Variants in SEL1L2 observed in about 807,000 individuals in gnomAD.
The protein encoded by SEL1L2 is SEL1L2 adaptor subunit of SYVN1 ubiquitin ligase.
A neutral mutation model predicts 98.8 loss-of-function variants in SEL1L2; 89 were observed. That is an observed-to-expected ratio of 0.90 (90% confidence interval 0.76 to 1.07). SEL1L2 has a LOEUF of 1.07. SEL1L2 is among the 50% of genes least tolerant of loss of function. SEL1L2 has a pLI of 0.00. For synonymous variants in SEL1L2, 262 were observed against 278.5 expected (o/e 0.94, Z 0.59); for missense variants, 788 against 812.0 (o/e 0.97, Z 0.36).
intron 17 of SEL1L2, among the ~76,000 whole-genome samples, chr20:13,861,855 C>G (rs1396176017): frequency 6.6e-6 from 1 of 152,130 alleles, no homozygotes; most frequent in Admixed American, 6.5e-5. Context: ...TGACTCTTCC[C>G]GTGGCTGGCT....
intron 2 of SEL1L2, among the ~76,000 whole-genome samples, chr20:13,950,577 A>G (rs1157657939): frequency 6.6e-6 from 1 of 152,186 alleles, no homozygotes; most frequent in East Asian, 1.9e-4. Context: ...TGGATACCTG[A>G]AATTTTCATC....
At chr20:13,946,416 TA>T (rs1243400928) in intron 2 of SEL1L2, among the ~76,000 whole-genome samples, 3 of 152,278 alleles carry the variant, frequency 2.0e-5, no homozygotes, top group Non-Finnish European at 4.4e-5. Context: ...AAAGTACTTA[TA>T]AAGAAACTTA....
chr20:13,906,781 C>T (rs781709554), intron 5 of SEL1L2, among the ~76,000 whole-genome samples: 11 of 152,120 alleles, frequency 7.2e-5, no homozygotes, highest in Non-Finnish European at 8.8e-5. Flanking sequence ...CAGGTTCCCG[C>T]CATTCTCCTG....
At chr20:13,933,549 T>C (rs912337785) in intron 2 of SEL1L2, among the ~76,000 whole-genome samples, 1 of 152,192 alleles carries the variant, frequency 6.6e-6, no homozygotes, top group Non-Finnish European at 1.5e-5. Context: ...CTGGCTTCTT[T>C]CACTTAGATT....
intron 1 of SEL1L2, among the ~76,000 whole-genome samples, chr20:13,981,874 C>T (rs943468391): frequency 6.6e-6 from 1 of 152,212 alleles, no homozygotes; most frequent in East Asian, 1.9e-4. Flanking sequence ...TAGAAATTCT[C>T]AATTCCATAG....
At chr20:13,987,685 G>GGTGTGATGTGA (rs1280686435) in intron 1 of SEL1L2, among the ~76,000 whole-genome samples, 2 of 151,972 alleles carry the variant, frequency 1.3e-5, no homozygotes, top group African/African-American at 4.8e-5. Flanking sequence ...CATCCTAGTG[G>GGTGTGATGTGA]GTGTGATGTG....
chr20:13,904,532 TAAAC>T (rs918859802), intron 5 of SEL1L2, among the ~76,000 whole-genome samples: 16 of 151,930 alleles, frequency 1.1e-4, no homozygotes, highest in African/African-American at 3.9e-4. Context: ...CATCTCAAAA[TAAAC>T]AAACAAATAA....
In SEL1L2 at chr20:13,990,457, C is replaced by G. The variant is rs367845206; in HGVS notation, c.58+20G>C. The stretch of plus-strand genomic sequence containing the variant: ...AGAGAAGAGACCCTCATAGAGAACT[C>G]TAAGGACAAAAAAACTTACTTTTAA... On this transcript the variant is annotated intron_variant, in intron 1 of 19. Coordinates refer to ENST00000284951, the MANE Select transcript of SEL1L2 (RefSeq NM_025229.2). 148 of 1,568,576 alleles carry G rather than the reference C, an allele frequency of 9.4e-5. No homozygotes were observed. In the Middle Eastern group the frequency reaches 3.8e-3, roughly 41 times the overall value.
At chr20:13,867,667 TGTTGAGAGGGTCAAATGA>T (rs995722607) in intron 14 of SEL1L2, among the ~76,000 whole-genome samples, 3 of 151,506 alleles carry the variant, frequency 2.0e-5, no homozygotes, top group African/African-American at 4.9e-5. Flanking sequence ...ACCCGGTAGA[TGTTGAGAGGGTCAAATGA>T]GTTGAGAGGG....
intron 4 of SEL1L2, among the ~76,000 whole-genome samples, chr20:13,916,546 C>T (rs889137171): frequency 2.0e-5 from 3 of 152,184 alleles, no homozygotes; most frequent in African/African-American, 7.2e-5. Context: ...TGGCTCATGC[C>T]TGTAATCCCA....
rs572347170 is a variant in SEL1L2 at position 13,856,453 on chromosome 20, A to C, written c.1818+2809T>G. On this transcript the variant is annotated intron_variant, in intron 18 of 19. Transcript: ENST00000284951. ...CCCTCTGAGAAACAGTTTCATAACA[A>C]CTTGTGTGTGAATGCTTGTGTTTCT... is the stretch of plus-strand genomic sequence containing the variant. Among the ~76,000 whole-genome samples, 5 of 152,186 alleles carry C rather than the reference A, an allele frequency of 3.3e-5. No homozygotes were observed. In the East Asian group the frequency reaches 9.7e-4, roughly 29 times the overall value.
At chr20:13,946,595 G>A (rs1008868809) in intron 2 of SEL1L2, among the ~76,000 whole-genome samples, 3 of 152,246 alleles carry the variant, frequency 2.0e-5, no homozygotes, top group Admixed American at 6.5e-5. Flanking sequence ...GTGCTCCGCA[G>A]AGCCAGTGGA....
chr20:13,876,406 C>CTTTTTTTTT (rs11087067), intron 11 of SEL1L2, among the ~76,000 whole-genome samples: 1 of 101,930 alleles, frequency 9.8e-6, no homozygotes, highest in African/African-American at 3.5e-5. Context: ...CTCTCTCTCT[C>CTTTTTTTTT]TTTTTTTTTT....
chr20:13,896,048 G>A (rs1696238395), intron 5 of SEL1L2, among the ~76,000 whole-genome samples: 1 of 152,160 alleles, frequency 6.6e-6, no homozygotes, highest in African/African-American at 2.4e-5. Context: ...GGTGGCAGGT[G>A]CCTGTAATTC....
intron 1 of SEL1L2, among the ~76,000 whole-genome samples, chr20:13,985,493 A>T (rs2052117718): frequency 6.6e-6 from 1 of 151,778 alleles, no homozygotes; most frequent in African/African-American, 2.4e-5. Context: ...ATTAGAATTG[A>T]CCTCTCCCTC....
chr20:13,930,613 A>G (rs2049102115), intron 3 of SEL1L2, among the ~76,000 whole-genome samples: 2 of 152,246 alleles, frequency 1.3e-5, no homozygotes, highest in Admixed American at 1.3e-4. Context: ...TCAAATGGGC[A>G]GTGAACCAGT....
intron 5 of SEL1L2, among the ~76,000 whole-genome samples, chr20:13,896,647 A>C (rs1220858532): frequency 6.6e-6 from 1 of 152,140 alleles, no homozygotes; most frequent in East Asian, 1.9e-4. Flanking sequence ...AAAAGAAAAC[A>C]CTTCCACTTA....
At chr20:13,944,013 G>T (rs1228809444) in intron 2 of SEL1L2, among the ~76,000 whole-genome samples, 1 of 152,158 alleles carries the variant, frequency 6.6e-6, no homozygotes, top group African/African-American at 2.4e-5. Context: ...ACTCCATCCA[G>T]AAATGGCAGC....
At chr20:13,850,833 C>T (rs1197853693) in intron 18 of SEL1L2, among the ~76,000 whole-genome samples, 1 of 152,102 alleles carries the variant, frequency 6.6e-6, no homozygotes, top group Admixed American at 6.5e-5. Flanking sequence ...TTTTAGGTCC[C>T]CAAATTTGTA....
Sources: allele counts gnomAD v4.1 joint callset (sites outside exome capture counted in the v4.1 genomes callset), GRCh38; gene constraint gnomAD v4.1.1; transcripts MANE v1.5; gene names NCBI Gene and HGNC (gene_info 2026-07-23, HGNC 2026-07-21).